The following PDLIM5 variants were observed in gnomAD, a reference collection of about 807,000 sequenced individuals.
PDLIM5 encodes PDZ and LIM domain 5.
In PDLIM5, 34 loss-of-function variants were observed where a neutral mutation model predicts 64.2. That is an observed-to-expected ratio of 0.53 (90% CI 0.40 to 0.71). The LOEUF (loss-of-function observed/expected upper bound fraction) is 0.71. Among genes scored for constraint, PDLIM5 ranks in the 30% least tolerant of loss-of-function variants. PDLIM5 has a pLI of 0.00. For missense variants in PDLIM5, 683 were observed against 733.6 expected (o/e 0.93, Z 0.80); for synonymous variants, 253 against 269.1 (o/e 0.94, Z 0.59).
intron 8 of PDLIM5, among the ~76,000 whole-genome samples, chr4:94,638,907 A>G (rs945552765): frequency 3.3e-5 from 5 of 152,196 alleles, no homozygotes; most frequent in Non-Finnish European, 7.3e-5. Flanking sequence ...CTCAGGGAGT[A>G]TACTATCTAG....
chr4:94,548,822 G>T (rs1441001509), intron 3 of PDLIM5, among the ~76,000 whole-genome samples: 2 of 152,076 alleles, frequency 1.3e-5, no homozygotes, highest in Non-Finnish European at 2.9e-5. Flanking sequence ...GTGGTGATTT[G>T]ATGTCCCGTG....
intron 2 of PDLIM5, among the ~76,000 whole-genome samples, chr4:94,465,943 T>C (rs1037060332): frequency 6.6e-6 from 1 of 152,038 alleles, no homozygotes; most frequent in African/African-American, 2.4e-5. Context: ...TGTATGTGTG[T>C]GTGTGTCTGT....
intron 9 of PDLIM5, among the ~76,000 whole-genome samples, chr4:94,653,324 C>T (rs894350118): frequency 6.6e-6 from 1 of 152,130 alleles, no homozygotes; most frequent in Non-Finnish European, 1.5e-5. Context: ...GTCTGTCTCA[C>T]AGGAATGTTG....
intron 7 of PDLIM5, among the ~76,000 whole-genome samples, chr4:94,590,499 C>CA (rs1174743804): frequency 6.6e-6 from 1 of 152,130 alleles, no homozygotes; most frequent in Non-Finnish European, 1.5e-5. Flanking sequence ...TAATGAATAA[C>CA]AGATAAATGT....
intron 5 of PDLIM5, chr4:94,579,382 G>A (rs541871840): frequency 1.2e-5 from 5 of 427,712 alleles, no homozygotes; most frequent in Middle Eastern, 5.3e-4. Context: ...AAGTCTTTTA[G>A]TATCTTATAA....
At chr4:94,460,441 C>T (rs1033185553) in intron 2 of PDLIM5, among the ~76,000 whole-genome samples, 1 of 151,720 alleles carries the variant, frequency 6.6e-6, no homozygotes, top group Non-Finnish European at 1.5e-5. Context: ...ATGGAGGAAA[C>T]CGATGTAGGG....
intron 2 of PDLIM5, chr4:94,456,756 GC>G (rs1560627285): frequency 8.3e-7 from 1 of 1,211,762 alleles, no homozygotes. Context: ...GAAAGGTTGT[GC>G]CAATTTACAC....
At chr4:94,491,059 C>T in intron 2 of PDLIM5, among the ~76,000 whole-genome samples, 1 of 152,140 alleles carries the variant, frequency 6.6e-6, no homozygotes, top group East Asian at 1.9e-4. Flanking sequence ...TTTTCATATG[C>T]TAGTGTGGAC....
At chr4:94,519,937 T>C (rs903885960) in intron 2 of PDLIM5, among the ~76,000 whole-genome samples, 5 of 152,134 alleles carry the variant, frequency 3.3e-5, no homozygotes, top group African/African-American at 1.2e-4. Flanking sequence ...TGATTACAGA[T>C]AAAAGGGTTA....
chr4:94,486,871 C>T (rs1726389947), intron 2 of PDLIM5, among the ~76,000 whole-genome samples: 1 of 151,992 alleles, frequency 6.6e-6, no homozygotes, highest in African/African-American at 2.4e-5. Context: ...GGTGTGGTGA[C>T]TTATGCCTGT....
intron 3 of PDLIM5, among the ~76,000 whole-genome samples, chr4:94,558,198 C>G (rs1438672499): frequency 6.6e-6 from 1 of 152,086 alleles, no homozygotes; most frequent in African/African-American, 2.4e-5. Context: ...TGTTTATATG[C>G]TGGATTACGT....
intron 3 of PDLIM5, among the ~76,000 whole-genome samples, chr4:94,565,743 T>C (rs1396477809): frequency 6.6e-6 from 1 of 152,196 alleles, no homozygotes; most frequent in Non-Finnish European, 1.5e-5. Context: ...TCTGGAAAAG[T>C]AAAGAACAAT....
chr4:94,595,914 A>T (rs1737036066), intron 7 of PDLIM5, among the ~76,000 whole-genome samples: 1 of 152,212 alleles, frequency 6.6e-6, no homozygotes, highest in African/African-American at 2.4e-5. Context: ...ACATTCCCAC[A>T]AAATATGTTT....
intron 5 of PDLIM5, chr4:94,584,886 T>C: frequency 1.3e-6 from 1 of 771,032 alleles, no homozygotes; most frequent in Non-Finnish European, 2.2e-6. Flanking sequence ...TACTATGGAC[T>C]TTCATTTTCT....
At chr4:94,485,324 T>A (rs1444620587) in intron 2 of PDLIM5, among the ~76,000 whole-genome samples, 2 of 125,974 alleles carry the variant, frequency 1.6e-5, no homozygotes, top group Admixed American at 7.7e-5. Context: ...CTTTCACCAT[T>A]TACTCGTGTT....
intron 2 of PDLIM5, among the ~76,000 whole-genome samples, chr4:94,513,358 C>T (rs973317992): frequency 6.6e-6 from 1 of 152,170 alleles, no homozygotes; most frequent in Non-Finnish European, 1.5e-5. Context: ...TCTTTCAATC[C>T]ATGAACATGG....
At chr4:94,657,647 T>G (rs1337535712) in intron 11 of PDLIM5, 100 bp downstream of exon 11, 2 of 844,300 alleles carry the variant, frequency 2.4e-6, no homozygotes, top group Non-Finnish European at 1.8e-6. Flanking sequence ...GCAAAGTTAT[T>G]TTCTTAATTG....
chr4:94,553,579 C>T (rs776399784), intron 3 of PDLIM5, among the ~76,000 whole-genome samples: 3 of 152,022 alleles, frequency 2.0e-5, no homozygotes, highest in Non-Finnish European at 2.9e-5. Flanking sequence ...TGGGAGAATC[C>T]AGTGTATCAG....
intron 2 of PDLIM5, among the ~76,000 whole-genome samples, chr4:94,495,776 C>T (rs1410879972): frequency 6.6e-6 from 1 of 152,168 alleles, no homozygotes; most frequent in Non-Finnish European, 1.5e-5. Flanking sequence ...TGCAGAAGTT[C>T]CTGAACTCAC....
Sources: gnomAD v4.1 joint callset for allele counts (sites outside exome capture counted in the v4.1 genomes callset) on GRCh38, gnomAD v4.1.1 for gene constraint, MANE v1.5 for transcripts, NCBI Gene and HGNC (gene_info 2026-07-23, HGNC 2026-07-21) for gene names.